Variants in ARID4B observed in about 807,000 individuals in gnomAD.
The protein encoded by ARID4B is AT-rich interactive domain-containing protein 4B.
ARID4B carries 26 observed loss-of-function variants against 147.5 expected under a neutral mutation model. The observed-to-expected ratio is 0.18, with a 90% confidence interval of 0.13 to 0.24. The LOEUF (loss-of-function observed/expected upper bound fraction) is 0.24. Ranked by LOEUF, ARID4B falls within the 10% of genes least tolerant of loss-of-function variation. The pLI is 1.00. For synonymous variants in ARID4B, 512 were observed against 507.9 expected (o/e 1.01, Z -0.11); for missense variants, 1,179 against 1,511.5 (o/e 0.78, Z 3.65).
chr1:235,255,255 A>C (rs1363789068), intron 5 of ARID4B, among the ~76,000 whole-genome samples: 4 of 99,366 alleles, frequency 4.0e-5, no homozygotes, highest in Admixed American at 1.2e-4. Context: ...AGATAGATAG[A>C]TAGATAGATA....
In ARID4B at chr1:235,314,409, G is replaced by C. The variant is rs1408190496; in HGVS notation, c.6+12505C>G. Among the ~76,000 whole-genome samples the C allele has an allele frequency of 2.0e-5, 3 of 152,248 alleles. No homozygotes were observed. In the East Asian group the frequency reaches 5.8e-4, roughly 29 times the overall value. The stretch of plus-strand genomic sequence containing the variant: ...TTCTCATTTTACAAAAATTGAAACT[G>C]ATGTTTACTTTCATTTCAAAAACAG... On this transcript the variant is annotated intron_variant, in intron 2 of 23. Transcript: ENST00000264183.
chr1:235,236,843 T>A (rs1339845754), intron 8 of ARID4B, among the ~76,000 whole-genome samples: 75 of 35,158 alleles, frequency 2.1e-3, no homozygotes, highest in East Asian at 0.02. Flanking sequence ...AATATATATA[T>A]ATATATATAT....
chr1:235,277,594 T>TTGTGTGTG (rs71576468), intron 2 of ARID4B, among the ~76,000 whole-genome samples: 51 of 129,570 alleles, frequency 3.9e-4, no homozygotes, highest in African/African-American at 1.2e-3. Context: ...ATGCCTTATA[T>TTGTGTGTG]TGTGTGTGTG....
chr1:235,202,545 GAA>G (rs151063447), intron 17 of ARID4B, among the ~76,000 whole-genome samples: 2 of 144,208 alleles, frequency 1.4e-5, no homozygotes, highest in Admixed American at 7.0e-5. Context: ...GAAGTACAAT[GAA>G]AAAAAAATTT....
At position 235,168,252 on chromosome 1, in the gene ARID4B, T is replaced by C; in HGVS notation, c.*273A>G. 1 of 351,958 alleles carries C rather than the reference T, an allele frequency of 2.8e-6. No homozygotes were observed. The highest frequency in any genetic ancestry group is 5.3e-6 in the Non-Finnish European group (1 of 189,598). 21.8% of individuals were successfully genotyped at this position (351,958 alleles called of 1,614,324 possible). On this transcript the variant is annotated 3_prime_UTR_variant, in exon 24 of 24. Transcript: ENST00000264183. ...CTTACTGTATTGTCTCTACAGGCAGTGAAAAGCCTCCATTTGCCACAGTGG... is the reference window on the plus strand; with the variant it reads ...CTTACTGTATTGTCTCTACAGGCAGCGAAAAGCCTCCATTTGCCACAGTGG...
intron 5 of ARID4B, among the ~76,000 whole-genome samples, chr1:235,255,223 A>C (rs1212222016): frequency 1.1e-5 from 1 of 93,862 alleles, no homozygotes; most frequent in Non-Finnish European, 2.4e-5. Flanking sequence ...TGGGAGCTAG[A>C]TAGATAGATA....
intron 2 of ARID4B, among the ~76,000 whole-genome samples, chr1:235,291,673 T>TACAAAAAATAC (rs144940956): frequency 3.2e-4 from 49 of 151,694 alleles, no homozygotes; most frequent in African/African-American, 1.2e-3. Flanking sequence ...CCGTCTCTAC[T>TACAAAAAATAC]AAAAAATACA....
chr1:235,172,940 C>G (rs187830122), intron 22 of ARID4B, among the ~76,000 whole-genome samples, 176 bp from the exon 23 acceptor site: 61 of 152,244 alleles, frequency 4.0e-4, no homozygotes, highest in African/African-American at 1.4e-3. Context: ...ATGCCTGGCA[C>G]ATAATAAATG....
chr1:235,184,066 ACC>A (rs1374573503), intron 19 of ARID4B, among the ~76,000 whole-genome samples: 2 of 152,204 alleles, frequency 1.3e-5, no homozygotes, highest in Non-Finnish European at 2.9e-5. Flanking sequence ...GGCATGAGCC[ACC>A]ACACCTGGCC....
rs184653194 is a variant in ARID4B, at chr1:235,258,804, T to C, written c.118-1579A>G. On this transcript the variant is annotated intron_variant, in intron 3 of 23. Transcript: ENST00000264183. The stretch of plus-strand genomic sequence containing the variant: ...TTTAAATCACATGTTTAGATATCTG[T>C]GCCCTTCACTTAAACTATAAGCTAC... 3.9e-5 allele frequency among the ~76,000 whole-genome samples: 6 copies of C among 152,370 alleles called. No homozygotes were observed. The East Asian group carries it at 1.2e-3, about 29-fold the overall frequency.
chr1:235,188,164 CAT>C (rs1469301526), intron 19 of ARID4B, among the ~76,000 whole-genome samples: 4 of 151,548 alleles, frequency 2.6e-5, no homozygotes, highest in African/African-American at 9.7e-5. Context: ...TATATATACT[CAT>C]ATGTCATATA....
chr1:235,220,773 A>G (rs985882025), intron 14 of ARID4B, among the ~76,000 whole-genome samples: 8 of 152,220 alleles, frequency 5.3e-5, no homozygotes, highest in Non-Finnish European at 1.2e-4. Context: ...CAGCTATTAA[A>G]AGTATTAGTA....
At position 235,298,272 on chromosome 1, in the gene ARID4B, T is replaced by G. The variant is rs561101593; in HGVS notation, c.6+28642A>C. Among the ~76,000 whole-genome samples the G allele has an allele frequency of 5.3e-5, 8 of 152,228 alleles. No homozygotes were observed. The South Asian group carries it at 1.7e-3, about 32-fold the overall frequency. ...AACATCAGTGAACTTTATTTTTGTA[T>G]GTTGTAAATTTCCATAAAGTTTTAA... is the stretch of plus-strand genomic sequence containing the variant. On this transcript the variant is annotated intron_variant, in intron 2 of 23. Coordinates refer to ENST00000264183, the MANE Select transcript of ARID4B (RefSeq NM_016374.6).
At position 235,277,056 on chromosome 1, in the gene ARID4B, G is replaced by A. The variant is rs548178576; in HGVS notation, c.7-16304C>T. On this transcript the variant is annotated intron_variant, in intron 2 of 23. Coordinates refer to ENST00000264183, the MANE Select transcript of ARID4B (RefSeq NM_016374.6). ...ATATGCTTTTGCCAAGAAAAACCCTGAGCAACAAAGGAAGACATGGCTCTA... is the reference window on the plus strand; with the variant it reads ...ATATGCTTTTGCCAAGAAAAACCCTAAGCAACAAAGGAAGACATGGCTCTA... Among the ~76,000 whole-genome samples, 3 of 150,760 alleles carry A rather than the reference G, an allele frequency of 2.0e-5. 1 individual carries two copies. Among genetic ancestry groups the A allele is most frequent in the African/African-American group, 7.3e-5 (3 of 41,120 alleles).
rs142418810 is a variant in ARID4B, at chr1:235,268,179, G to A, written c.7-7427C>T. On this transcript the variant is annotated intron_variant, in intron 2 of 23. Transcript: ENST00000264183. ...TGCAAGGCTGGAAGATCCATTACCC[G>A]GACCAAATAAGTAAATGGACTAATC... Among the ~76,000 whole-genome samples, 466 of 152,154 alleles carry A rather than the reference G, an allele frequency of 3.1e-3. 2 individuals are homozygous for A. Among genetic ancestry groups the A allele is most frequent in the Middle Eastern group, 0.024 (7 of 294 alleles).
chr1:235,286,098 C>T (rs757394004), intron 2 of ARID4B, among the ~76,000 whole-genome samples: 2 of 151,114 alleles, frequency 1.3e-5, no homozygotes, highest in South Asian at 2.1e-4. Flanking sequence ...TCAAGCTGAG[C>T]TCTGTGGCTC....
intron 2 of ARID4B, among the ~76,000 whole-genome samples, chr1:235,323,187 G>A (rs1041130644): frequency 1.3e-5 from 2 of 151,832 alleles, no homozygotes; most frequent in East Asian, 3.9e-4. Flanking sequence ...ACAGGCATGC[G>A]CCACCATGCC....
intron 2 of ARID4B, among the ~76,000 whole-genome samples, chr1:235,306,299 C>T (rs1673555488): frequency 6.6e-6 from 1 of 151,984 alleles, no homozygotes; most frequent in South Asian, 2.1e-4. Flanking sequence ...GTCAGAAGAT[C>T]GAGACCATCC....
At chr1:235,181,012 G>T in intron 20 of ARID4B, 3 of 569,122 alleles carry the variant, frequency 5.3e-6, no homozygotes, top group Non-Finnish European at 6.8e-6. Context: ...CGTACACATT[G>T]GTCCTTCAAT....
Sources: allele counts gnomAD v4.1 joint callset (sites outside exome capture counted in the v4.1 genomes callset), GRCh38; gene constraint gnomAD v4.1.1; transcripts MANE v1.5; gene names NCBI Gene and HGNC (gene_info 2026-07-23, HGNC 2026-07-21).